PIDD1: variants seen among roughly 807,000 people sequenced by gnomAD.
The protein encoded by PIDD1 is p53-induced death domain-containing protein 1.
A neutral mutation model predicts 80.0 loss-of-function variants in PIDD1; 72 were observed. The observed-to-expected ratio is 0.90, with a 90% CI of 0.74 to 1.09. The LOEUF (loss-of-function observed/expected upper bound fraction) is 1.09. PIDD1 is among the 50% of genes least tolerant of loss of function. The pLI is 0.00. For synonymous variants in PIDD1, 655 were observed against 543.5 expected (o/e 1.21, Z -2.85); for missense variants, 1,329 against 1,228.3 (o/e 1.08, Z -1.23).
At chr11:803,002 T>A in intron 3 of PIDD1, 111 bp from the exon 4 acceptor site, 1 of 1,078,610 alleles carries the variant, frequency 9.3e-7, no homozygotes, top group Non-Finnish European at 1.3e-6. Flanking sequence ...ACAGCTGGGC[T>A]CAGAGAACTC....
rs1212917026 is a variant in PIDD1 at position 802,478 on chromosome 11, G to C, written c.974+65C>G. ...CCTGGACCCAGGAACTCTGGAGAAG[G>C]TGTCGGAGGGGCCAGAGTGACAGGC... On this transcript the variant is annotated intron_variant, in intron 5 of 15. Transcript: ENST00000347755. 3.1e-6 allele frequency: 5 copies of C among 1,598,292 alleles called. No homozygotes were observed. In the South Asian group the frequency reaches 4.4e-5, roughly 14 times the overall value.
At position 801,023 on chromosome 11, in the gene PIDD1, G is replaced by A; in HGVS notation, c.1728C>T (p.Thr576=). 6.2e-7 allele frequency: 1 copy of A among 1,602,906 alleles called. No individual in the cohort carries two copies. Among genetic ancestry groups the A allele is most frequent in the Non-Finnish European group, 8.5e-7 (1 of 1,175,302 alleles). ...TGACCTGGAAGCGTGCGTACAGGTG[G>A]GTGAGCTCCAGGACCACCTGAGCTG... The part of the protein sequence containing the change: ...DITAQVVLEL[T]HLYARFQVTH... Residue 576 remains threonine, a synonymous_variant, in exon 10 of 16, where the codon ACC becomes ACT. Transcript: ENST00000347755.
upstream of PIDD1, chr11:805,341 T>C: frequency 1.9e-6 from 1 of 524,846 alleles, no homozygotes; most frequent in Non-Finnish European, 2.4e-6. Context: ...ACGGGGGAGG[T>C]CTCCCGGCTC....
At position 800,794 on chromosome 11, in the gene PIDD1, G is replaced by A; in HGVS notation, c.1885C>T (p.Gln629Ter). The A allele has an allele frequency of 6.4e-7, 1 of 1,555,440 alleles. No individual in the cohort carries two copies. The highest frequency in any genetic ancestry group is 2.4e-5 in the East Asian group (1 of 41,542). Reference protein sequence around the residue: ...IALQRRRDPEQVLLQCLPRNK... With the variant: ...IALQRRRDPE ...CGGGGCAGGCACTGCAGCAGGACCT[G>A]CTCAGGGTCCCGGCGCCGCTGCAGA... Residue 629 changes from glutamine to a stop codon, truncating the protein, a stop_gained, in exon 11 of 16, where the codon CAG becomes TAG. Transcript: ENST00000347755. LOFTEE classifies it high-confidence loss of function.
At position 802,610 on chromosome 11, in the gene PIDD1, C is replaced by T. The variant is rs1865455682; in HGVS notation, c.920-13G>A. On this transcript the variant is annotated splice_polypyrimidine_tract_variant and intron_variant, in intron 4 of 15. Transcript: ENST00000347755. ...ATGAGGGCTGCCACTGTGCAGGGGACAGACATGTGCTCAGGACAGTGAGGA... is the reference window on the plus strand; with the variant it reads ...ATGAGGGCTGCCACTGTGCAGGGGATAGACATGTGCTCAGGACAGTGAGGA... 6.2e-7 allele frequency: 1 copy of T among 1,612,284 alleles called. No homozygotes were observed. The highest frequency in any genetic ancestry group is 2.2e-5 in the East Asian group (1 of 44,848).
chr11:803,903 A>C (rs972170520), intron 2 of PIDD1, 191 bp downstream of exon 2: 1 of 699,178 alleles, frequency 1.4e-6, no homozygotes, highest in East Asian at 2.7e-5. Flanking sequence ...AGCCAGCCCC[A>C]CACTGGGGGT....
In PIDD1 at chr11:800,453, T is replaced by C. The variant is rs199752248; in HGVS notation, c.2042-2A>G. ...TGCCCTCCACACAGTCAGGGCGGTC[T>C]AGGGGACAGGGGTGGGCTGAGCAAG... On this transcript the variant is annotated splice_acceptor_variant, in intron 12 of 15. Transcript: ENST00000347755. LOFTEE classifies it high-confidence loss of function. 128 of 1,450,070 alleles carry C rather than the reference T, an allele frequency of 8.8e-5. No homozygotes were observed. Among genetic ancestry groups the C allele is most frequent in the South Asian group, 2.2e-4 (19 of 84,464 alleles). The allele number at this position is 1,450,070 out of a possible 1,614,324, so 89.8% of individuals were successfully genotyped here.
chr11:801,846 A>G, intron 7 of PIDD1, 119 bp downstream of exon 7: 2 of 1,352,744 alleles, frequency 1.5e-6, no homozygotes, highest in Non-Finnish European at 2.0e-6. Context: ...GACATAGGGA[A>G]GCAGGATCCA....
chr11:803,359 A>C lies in PIDD1; in HGVS notation c.524T>G (p.Phe175Cys). The C allele has an allele frequency of 6.2e-7, 1 of 1,613,820 alleles. No homozygotes were observed. Residue 175 changes from phenylalanine to cysteine, a missense_variant, in exon 3 of 16, where the codon TTC (phenylalanine) becomes TGC (cysteine). Coordinates refer to ENST00000347755, the MANE Select transcript of PIDD1 (RefSeq NM_145886.4). ...EALGALPALT[F>C]LTVTHNRLQT... Reference sequence around the variant, plus strand: ...CAGGCGGTTGTGTGTCACTGTGAGGAAGGTGAGGGCGGGGAGGGCCCCCAG... The same window carrying C: ...CAGGCGGTTGTGTGTCACTGTGAGGCAGGTGAGGGCGGGGAGGGCCCCCAG...
Position 801,039 on chromosome 11 carries a change from A to C in PIDD1, c.1712T>G (p.Val571Gly). Residue 571 changes from valine (V) to glycine (G), a missense_variant, in exon 10 of 16, where the codon GTG becomes GGG. Physicochemically the swap from Val to Gly is moderately radical, Grantham distance 109. Transcript: ENST00000347755. ...GTACAGGTGGGTGAGCTCCAGGACC[A>C]CCTGAGCTGTGATGTCATCCCAGGT... Reference protein sequence around the residue: ...AATWDDITAQVVLELTHLYAR... With the variant: ...AATWDDITAQGVLELTHLYAR... The C allele has an allele frequency of 6.2e-7, 1 of 1,601,552 alleles. No individual in the cohort carries two copies. Among genetic ancestry groups the C allele is most frequent in the Non-Finnish European group, 8.5e-7 (1 of 1,174,550 alleles).
At chr11:801,852 A>G in intron 7 of PIDD1, 113 bp downstream of exon 7, 1 of 1,401,362 alleles carries the variant, frequency 7.1e-7, no homozygotes, top group Non-Finnish European at 9.8e-7. Flanking sequence ...GGGAAGCAGG[A>G]TCCAGGAGGG....
At position 802,909 on chromosome 11, in the gene PIDD1, C is replaced by A; in HGVS notation, c.710-18G>T. ...AAGTCCCGCTGCGGGCAGTTGCTGG[C>A]TTAGGCTTGGCACCAGCCCAGCCCA... On this transcript the variant is annotated intron_variant, in intron 3 of 15. Transcript: ENST00000347755. The A allele has an allele frequency of 6.5e-7, 1 of 1,548,360 alleles. No homozygotes were observed. Among genetic ancestry groups the A allele is most frequent in the Non-Finnish European group, 8.7e-7 (1 of 1,145,718 alleles).
rs768000816 is a variant in PIDD1, at chr11:799,217, G to A, written c.*90C>T. 4.1e-5 allele frequency: 53 copies of A among 1,294,712 alleles called. No individual in the cohort carries two copies. Among genetic ancestry groups the A allele is most frequent in the Admixed American group, 5.4e-5 (2 of 36,842 alleles). 80.2% of individuals were successfully genotyped at this position (1,294,712 alleles called of 1,614,324 possible). A position where few individuals can be genotyped will look rare whatever the true frequency, so the allele number is the denominator to read the frequency against. ...ACAGTGCAGTTTTGTTGCTCACAGGGACCCGTCCCCACACACTGGAGAGAC... is the reference window on the plus strand; with the variant it reads ...ACAGTGCAGTTTTGTTGCTCACAGGAACCCGTCCCCACACACTGGAGAGAC... On this transcript the variant is annotated 3_prime_UTR_variant, in exon 16 of 16. Coordinates refer to ENST00000347755, the MANE Select transcript of PIDD1 (RefSeq NM_145886.4).
rs370755563 is a variant in PIDD1, at chr11:802,177, G to A, written c.1176+18C>T. The A allele has an allele frequency of 1.4e-5, 22 of 1,583,976 alleles. No homozygotes were observed. The highest frequency in any genetic ancestry group is 3.7e-5 in the Admixed American group (2 of 54,326). On this transcript the variant is annotated intron_variant, in intron 6 of 15. Transcript: ENST00000347755. ...ATGCCCTGGCCCACACACTGCCCCC[G>A]CCACGCCCTGTCCATGCCTGCTGGA...
At chr11:800,720 C>T (rs371374985) in intron 11 of PIDD1, 42 bp downstream of exon 11, 241 of 1,547,306 alleles carry the variant, frequency 1.6e-4, no homozygotes, top group Non-Finnish European at 1.9e-4. Context: ...CCACCCCAGC[C>T]CTCTGGTCAC....
chr11:799,605 C>A, intron 15 of PIDD1, 40 bp from the exon 16 acceptor site: 1 of 1,545,380 alleles, frequency 6.5e-7, no homozygotes, highest in East Asian at 2.3e-5. Context: ...TCCTGTCCAC[C>A]TGCCCAGGAC....
Position 802,258 on chromosome 11 carries a change from A to C in PIDD1, c.1113T>G (p.Gly371=). 1 of 1,611,856 alleles carries C rather than the reference A, an allele frequency of 6.2e-7. No individual in the cohort carries two copies. Among genetic ancestry groups the C allele is most frequent in the East Asian group, 2.2e-5 (1 of 44,862 alleles). The change falls in exon 6 of 16, where the codon GGT becomes GGG. Residue 371 remains glycine, a synonymous_variant. Transcript: ENST00000347755. ...LLPEPGLVPL[G]PHDALLSHVL... is the part of the protein sequence containing the mutation. ...CATGGCTGAGCAGGGCGTCATGAGG[A>C]CCCAGGGGGACGAGGCCTGGCTCCG...
upstream of PIDD1, among the ~76,000 whole-genome samples, chr11:807,200 A>C (rs1361560179): frequency 2.6e-5 from 4 of 151,240 alleles, no homozygotes; most frequent in South Asian, 6.3e-4. Flanking sequence ...AAAAAAAAAA[A>C]AAAAAACAGG....
At position 800,320 on chromosome 11, in the gene PIDD1, T is replaced by C; in HGVS notation, c.2160+13A>G. 1 of 1,612,554 alleles carries C rather than the reference T, an allele frequency of 6.2e-7. No homozygotes were observed. ...CTGGGGGGCCTCTCCCCTCACCCAC[T>C]CCCCTCGCCCACCTGGCCCCGCACA... is the stretch of plus-strand genomic sequence containing the variant. On this transcript the variant is annotated intron_variant, in intron 13 of 15. Transcript: ENST00000347755.
Sources: gnomAD v4.1 joint callset for allele counts (sites outside exome capture counted in the v4.1 genomes callset) on GRCh38, gnomAD v4.1.1 for gene constraint, MANE v1.5 for transcripts, NCBI Gene and HGNC (gene_info 2026-07-23, HGNC 2026-07-21) for gene names.